Variants in CDH12 observed in about 807,000 individuals in gnomAD.
CDH12 encodes the protein cadherin 12.
CDH12 carries 41 observed loss-of-function variants against 74.1 expected under a neutral mutation model. That is an observed-to-expected ratio of 0.55 (90% CI 0.43 to 0.72). The LOEUF (loss-of-function observed/expected upper bound fraction) is 0.72. Ranked by LOEUF, CDH12 falls within the 30% of genes least tolerant of loss-of-function variation. The probability of loss-of-function intolerance (pLI) is 0.00; values close to 1 mark genes in which losing one functional copy is unlikely to be tolerated. For missense variants in CDH12, 945 were observed against 977.2 expected, an observed-to-expected ratio of 0.97 and a Z score of 0.44; for synonymous variants, 399 against 355.0, an observed-to-expected ratio of 1.12 and a Z score of -1.39.
intron 6 of CDH12, among the ~76,000 whole-genome samples, chr5:21,967,338 T>C (rs1756630106): frequency 6.6e-6 from 1 of 152,102 alleles, no homozygotes; most frequent in African/African-American, 2.4e-5. Context: ...GGAAAAATAG[T>C]CCCGCAGCTG....
At chr5:22,791,486 T>G (rs1008130306) in intron 1 of CDH12, among the ~76,000 whole-genome samples, 1 of 152,198 alleles carries the variant, frequency 6.6e-6, no homozygotes, top group African/African-American at 2.4e-5. Flanking sequence ...AATATGCGAT[T>G]CCCTTTAATG....
chr5:22,287,394 T>G (rs1195833213), intron 3 of CDH12, among the ~76,000 whole-genome samples: 1 of 152,060 alleles, frequency 6.6e-6, no homozygotes, highest in Non-Finnish European at 1.5e-5. Context: ...AAATATAAAT[T>G]TTATAGTACA....
At chr5:22,476,086 T>C (rs897413672) in intron 2 of CDH12, among the ~76,000 whole-genome samples, 4 of 152,110 alleles carry the variant, frequency 2.6e-5, no homozygotes, top group African/African-American at 9.6e-5. Flanking sequence ...TTTTCTGTTT[T>C]TATATGAATT....
At chr5:22,051,691 T>A (rs1054176472) in intron 5 of CDH12, among the ~76,000 whole-genome samples, 4 of 152,144 alleles carry the variant, frequency 2.6e-5, no homozygotes, top group Non-Finnish European at 4.4e-5. Context: ...TTATTCTGGC[T>A]GGAATCATTT....
intron 6 of CDH12, among the ~76,000 whole-genome samples, chr5:21,969,551 G>A (rs1756739222): frequency 6.6e-6 from 1 of 151,716 alleles, no homozygotes. Context: ...AGGCCTGTGA[G>A]GTCCACGTAG....
intron 2 of CDH12, among the ~76,000 whole-genome samples, chr5:22,427,640 G>A (rs1743996106): frequency 2.0e-5 from 3 of 152,186 alleles, no homozygotes; most frequent in Middle Eastern, 6.8e-3. Context: ...TAAATTTAAG[G>A]GACTTCAAGA....
intron 1 of CDH12, among the ~76,000 whole-genome samples, chr5:22,512,331 G>T: frequency 6.6e-6 from 1 of 152,154 alleles, no homozygotes; most frequent in East Asian, 1.9e-4. Context: ...CTGGCATAAA[G>T]ATAAATCCTC....
At chr5:21,903,401 C>T (rs1333885213) in intron 6 of CDH12, among the ~76,000 whole-genome samples, 1 of 152,068 alleles carries the variant, frequency 6.6e-6, no homozygotes, top group African/African-American at 2.4e-5. Context: ...AAATAGATCC[C>T]AACAGTTCTT....
chr5:22,438,865 AT>A (rs1744511399), intron 2 of CDH12, among the ~76,000 whole-genome samples: 1 of 151,772 alleles, frequency 6.6e-6, no homozygotes, highest in South Asian at 2.1e-4. Context: ...GAATAATATC[AT>A]TTTAGAAGAA....
chr5:22,783,825 C>T (rs776181532), intron 1 of CDH12, among the ~76,000 whole-genome samples: 14 of 152,006 alleles, frequency 9.2e-5, no homozygotes, highest in Non-Finnish European at 1.8e-4. Context: ...GGGCTCAAAG[C>T]GTCATGGGAG....
intron 5 of CDH12, among the ~76,000 whole-genome samples, chr5:22,077,082 G>C (rs573726762): frequency 2.0e-5 from 3 of 151,202 alleles, no homozygotes; most frequent in African/African-American, 7.3e-5. Context: ...GTGTGTGCGC[G>C]TGTGTATTTG....
Position 21,934,438 on chromosome 5 carries a change from C to T in CDH12, c.526+40653G>A, listed in dbSNP as rs1415860519. Reference sequence around the variant, plus strand: ...CTCAACTAAATTATGGTATAGCCATCTGATGGACTACTCAGATTTCCAAAA... The same window carrying T: ...CTCAACTAAATTATGGTATAGCCATTTGATGGACTACTCAGATTTCCAAAA... On this transcript the variant is annotated intron_variant, in intron 6 of 14. Transcript: ENST00000382254. Among the ~76,000 whole-genome samples the T allele has an allele frequency of 1.6e-4, 25 of 152,166 alleles. 1 individual carries two copies. The highest frequency in any genetic ancestry group is 1.6e-3 in the Admixed American group (25 of 15,272).
intron 5 of CDH12, among the ~76,000 whole-genome samples, chr5:22,012,143 T>C (rs932415931): frequency 1.3e-5 from 2 of 151,638 alleles, no homozygotes; most frequent in African/African-American, 4.9e-5. Context: ...ACTAGAGATA[T>C]AGAATATATA....
chr5:22,430,313 A>C (rs189324202), intron 2 of CDH12, among the ~76,000 whole-genome samples: 8 of 152,216 alleles, frequency 5.3e-5, no homozygotes, highest in Admixed American at 5.2e-4. Context: ...CATCAGAGAG[A>C]TAAAAGAATT....
At chr5:22,764,605 T>C (rs560990920) in intron 1 of CDH12, among the ~76,000 whole-genome samples, 12 of 152,098 alleles carry the variant, frequency 7.9e-5, no homozygotes, top group Middle Eastern at 3.4e-3. Flanking sequence ...AAGGGGAATA[T>C]CATCTCTATA....
chr5:22,624,815 T>C (rs974348602), intron 1 of CDH12, among the ~76,000 whole-genome samples: 3 of 152,220 alleles, frequency 2.0e-5, no homozygotes, highest in Non-Finnish European at 2.9e-5. Context: ...ACTGGGTATA[T>C]ACCCAAAGGA....
chr5:22,335,389 T>A (rs1370529861), intron 3 of CDH12, among the ~76,000 whole-genome samples: 1 of 152,000 alleles, frequency 6.6e-6, no homozygotes, highest in Non-Finnish European at 1.5e-5. Flanking sequence ...ATCGAGACCA[T>A]CCTGGCTAAG....
chr5:22,098,122 A>C (rs1187555302), intron 4 of CDH12, among the ~76,000 whole-genome samples: 1 of 152,010 alleles, frequency 6.6e-6, no homozygotes, highest in African/African-American at 2.4e-5. Flanking sequence ...TGCACCCTTC[A>C]TCCCAGCCTC....
intron 4 of CDH12, among the ~76,000 whole-genome samples, chr5:22,153,858 GTATATATATATATGTA>G (rs1483019081): frequency 1.9e-5 from 2 of 103,246 alleles, no homozygotes; most frequent in South Asian, 3.0e-4. Context: ...ATGTGTGTGT[GTATATATATATATGTA>G]TATATATATA....
Sources: gnomAD v4.1 joint callset for allele counts (sites outside exome capture counted in the v4.1 genomes callset) on GRCh38, gnomAD v4.1.1 for gene constraint, MANE v1.5 for transcripts, NCBI Gene and HGNC (gene_info 2026-07-23, HGNC 2026-07-21) for gene names.